The following PLCH1 variants were observed in gnomAD, a reference collection of about 807,000 sequenced individuals.
PLCH1 encodes the protein phospholipase C eta 1.
In PLCH1, 60 loss-of-function variants were observed where a neutral mutation model predicts 126.7. That is an observed-to-expected ratio of 0.47 (90% CI 0.38 to 0.59). The LOEUF is 0.59. Among genes scored for constraint, PLCH1 ranks in the 20% least tolerant of loss-of-function variants. PLCH1 has a pLI of 0.00. For synonymous variants in PLCH1, 719 were observed against 734.9 expected, an observed-to-expected ratio of 0.98 and a Z score of 0.35; for missense variants, 1,723 against 2,040.0, an observed-to-expected ratio of 0.84 and a Z score of 2.99.
intron 21 of PLCH1, among the ~76,000 whole-genome samples, chr3:155,470,473 G>T (rs1217050816): frequency 2.6e-5 from 4 of 152,118 alleles, no homozygotes; most frequent in African/African-American, 7.2e-5. Flanking sequence ...AAGTGATGGG[G>T]AGAATGGAAC....
At chr3:155,653,597 A>G (rs1469355823) in intron 2 of PLCH1, among the ~76,000 whole-genome samples, 1 of 152,182 alleles carries the variant, frequency 6.6e-6, no homozygotes, top group Admixed American at 6.5e-5. Context: ...TCACTTTTCA[A>G]ATAGGCCCTC....
At position 155,494,130 on chromosome 3, in the gene PLCH1, T is replaced by C; in HGVS notation, c.2182+11A>G. 6.3e-7 allele frequency: 1 copy of C among 1,598,714 alleles called. No homozygotes were observed. Among genetic ancestry groups the C allele is most frequent in the Non-Finnish European group, 8.6e-7 (1 of 1,166,106 alleles). ...CACACCTGCATTTATGACTATGAAA[T>C]TAATACACACCTTTGCACATTTGCT... On this transcript the variant is annotated intron_variant, in intron 17 of 22. Coordinates refer to ENST00000460012, the MANE Select transcript of PLCH1 (RefSeq NM_014996.4).
intron 1 of PLCH1, among the ~76,000 whole-genome samples, chr3:155,735,823 T>C (rs1205272111): frequency 6.6e-6 from 1 of 152,210 alleles, no homozygotes; most frequent in African/African-American, 2.4e-5. Flanking sequence ...GAAGCTCTTA[T>C]ATGCTGATAT....
chr3:155,544,764 G>A (rs1724950774), intron 10 of PLCH1, among the ~76,000 whole-genome samples: 1 of 151,484 alleles, frequency 6.6e-6, no homozygotes, highest in African/African-American at 2.4e-5. Flanking sequence ...CATGGAAACT[G>A]AACAACCTGC....
At chr3:155,493,538 CCACTA>C (rs1716567516) in intron 17 of PLCH1, among the ~76,000 whole-genome samples, 1 of 152,130 alleles carries the variant, frequency 6.6e-6, no homozygotes, top group Non-Finnish European at 1.5e-5. Context: ...CAGGCACGCA[CCACTA>C]TGCCCAGCTA....
chr3:155,691,578 G>C (rs570789191), intron 2 of PLCH1, among the ~76,000 whole-genome samples: 1 of 152,354 alleles, frequency 6.6e-6, no homozygotes, highest in East Asian at 1.9e-4. Flanking sequence ...AGGTAGAGCA[G>C]ATATCTACAG....
intron 13 of PLCH1, among the ~76,000 whole-genome samples, chr3:155,502,531 ATAGT>A (rs761492635): frequency 3.3e-5 from 5 of 152,166 alleles, no homozygotes; most frequent in Non-Finnish European, 5.9e-5. Context: ...CTAATTCCAC[ATAGT>A]TAGTAATTTG....
At chr3:155,556,373 C>T (rs1188050007) in intron 8 of PLCH1, among the ~76,000 whole-genome samples, 1 of 152,064 alleles carries the variant, frequency 6.6e-6, no homozygotes, top group East Asian at 1.9e-4. Flanking sequence ...AGAAACTCTG[C>T]CTTTAATTAG....
At chr3:155,550,194 G>A (rs913910829) in intron 9 of PLCH1, among the ~76,000 whole-genome samples, 4 of 152,072 alleles carry the variant, frequency 2.6e-5, no homozygotes, top group Non-Finnish European at 5.9e-5. Context: ...CACATGGGAT[G>A]GCTTTTCTAA....
intron 21 of PLCH1, chr3:155,486,283 G>GA (rs1327150165): frequency 3.5e-6 from 3 of 846,554 alleles, no homozygotes; most frequent in Non-Finnish European, 5.6e-6. Context: ...AAACACAAAA[G>GA]AAAAAATGCA....
At chr3:155,585,532 A>G (rs886433184) in intron 5 of PLCH1, among the ~76,000 whole-genome samples, 8 of 152,182 alleles carry the variant, frequency 5.3e-5, no homozygotes, top group African/African-American at 1.7e-4. Flanking sequence ...GGGCCCAAGA[A>G]TTTTTCTCAA....
intron 2 of PLCH1, among the ~76,000 whole-genome samples, chr3:155,670,448 C>G (rs1335647696): frequency 1.6e-4 from 24 of 152,162 alleles, no homozygotes; most frequent in Non-Finnish European, 1.9e-4. Flanking sequence ...ATGTAACACA[C>G]ATATGCAACC....
In PLCH1 at chr3:155,668,486, A is replaced by G. The variant is rs552280287; in HGVS notation, c.79+35660T>C. ...ATATTCTAAATTGTATTTCTATGTA[A>G]AAAATAAGACGAATTGAGAAAACTA... On this transcript the variant is annotated intron_variant, in intron 2 of 22. Coordinates refer to ENST00000460012, the MANE Select transcript of PLCH1 (RefSeq NM_014996.4). Among the ~76,000 whole-genome samples the G allele has an allele frequency of 5.9e-5, 9 of 152,346 alleles. No individual in the cohort carries two copies. The South Asian group carries it at 1.9e-3, about 32-fold the overall frequency.
chr3:155,520,340 A>G (rs1482632113), intron 11 of PLCH1, among the ~76,000 whole-genome samples: 1 of 152,208 alleles, frequency 6.6e-6, no homozygotes, highest in Non-Finnish European at 1.5e-5. Flanking sequence ...GAAAATTATT[A>G]AAGTGTTTAG....
At chr3:155,486,776 G>A (rs1447394223) in intron 21 of PLCH1, among the ~76,000 whole-genome samples, 7 of 151,660 alleles carry the variant, frequency 4.6e-5, no homozygotes, top group East Asian at 3.9e-4. Flanking sequence ...CACCCGCCTC[G>A]GCCTCCCAAA....
At chr3:155,592,496 A>ATCTCC (rs1236319984) in intron 4 of PLCH1, among the ~76,000 whole-genome samples, 1 of 23,918 alleles carries the variant, frequency 4.2e-5, no homozygotes, top group African/African-American at 8.9e-5. Context: ...CTCCATCTCC[A>ATCTCC]AAAAAAAAAA....
At chr3:155,506,045 AGCACG>A (rs993353673) in intron 12 of PLCH1, among the ~76,000 whole-genome samples, 3 of 152,166 alleles carry the variant, frequency 2.0e-5, no homozygotes, top group Non-Finnish European at 4.4e-5. Context: ...ACAGGTATAA[AGCACG>A]GCTGTCACAG....
At chr3:155,728,117 T>C (rs1034020193) in intron 1 of PLCH1, among the ~76,000 whole-genome samples, 4 of 152,142 alleles carry the variant, frequency 2.6e-5, no homozygotes, top group Admixed American at 1.3e-4. Flanking sequence ...TTGGCATGAG[T>C]ATTCATTACT....
At chr3:155,525,014 C>T (rs1721713767) in intron 10 of PLCH1, among the ~76,000 whole-genome samples, 1 of 151,994 alleles carries the variant, frequency 6.6e-6, no homozygotes, top group African/African-American at 2.4e-5. Context: ...GAGAATCCCC[C>T]TCCACCAAAA....
Sources: gnomAD v4.1 joint callset for allele counts (sites outside exome capture counted in the v4.1 genomes callset) on GRCh38, gnomAD v4.1.1 for gene constraint, MANE v1.5 for transcripts, NCBI Gene and HGNC (gene_info 2026-07-23, HGNC 2026-07-21) for gene names.